TSPAN18: variants seen among roughly 807,000 people sequenced by gnomAD.
The protein encoded by TSPAN18 is tetraspanin 18, also known as tetraspanin-18.
A neutral mutation model predicts 27.3 loss-of-function variants in TSPAN18; 14 were observed. The ratio of observed to expected loss-of-function variants is 0.51; its 90% CI spans 0.34 to 0.80. The LOEUF (loss-of-function observed/expected upper bound fraction) is 0.80. TSPAN18 is among the 30% of genes least tolerant of loss of function. The pLI, the probability that TSPAN18 is intolerant of heterozygous loss-of-function variation, is 0.01. For missense variants in TSPAN18, 268 were observed against 323.9 expected (o/e 0.83, Z 1.32); for synonymous variants, 143 against 136.5 (o/e 1.05, Z -0.33).
At chr11:44,743,142 A>G (rs1389268334) in intron 1 of TSPAN18, among the ~76,000 whole-genome samples, 1 of 151,224 alleles carries the variant, frequency 6.6e-6, no homozygotes, top group Non-Finnish European at 1.5e-5. Context: ...CAAAAGCAGC[A>G]CTTCCCCCTA....
At chr11:44,753,724 A>G (rs1415903788) in intron 1 of TSPAN18, among the ~76,000 whole-genome samples, 2 of 152,146 alleles carry the variant, frequency 1.3e-5, no homozygotes, top group Non-Finnish European at 2.9e-5. Context: ...GTGAATACAC[A>G]TGGATTTTAA....
chr11:44,750,256 T>C (rs922443877), intron 1 of TSPAN18, among the ~76,000 whole-genome samples: 1 of 152,228 alleles, frequency 6.6e-6, no homozygotes, highest in Non-Finnish European at 1.5e-5. Flanking sequence ...CACCTAGAGA[T>C]ATGTCTTTCA....
intron 2 of TSPAN18, among the ~76,000 whole-genome samples, chr11:44,766,686 T>G (rs993796946): frequency 2.6e-5 from 4 of 152,218 alleles, no homozygotes; most frequent in Non-Finnish European, 5.9e-5. Flanking sequence ...GCCTTGCCCC[T>G]CTTGTTAGCC....
chr11:44,909,541 G>A (rs1338918630), intron 4 of TSPAN18, 164 bp from the exon 5 acceptor site: 4 of 623,532 alleles, frequency 6.4e-6, no homozygotes, highest in Admixed American at 6.3e-5. Flanking sequence ...AATTCAAGGT[G>A]CGGCTGGGAC....
intron 1 of TSPAN18, among the ~76,000 whole-genome samples, chr11:44,748,053 C>G (rs11038128): frequency 0.14 from 20,725 of 152,164 alleles, 2,720 homozygotes; most frequent in East Asian, 0.7. Context: ...CACTCAGCCT[C>G]TCTGGGCCCT....
intron 3 of TSPAN18, among the ~76,000 whole-genome samples, chr11:44,871,414 A>G (rs1565185579): frequency 6.6e-6 from 1 of 152,134 alleles, no homozygotes; most frequent in Non-Finnish European, 1.5e-5. Context: ...CACACCTCCA[A>G]ATACCATCAC....
At chr11:44,753,094 G>A (rs1290339362) in intron 1 of TSPAN18, among the ~76,000 whole-genome samples, 5 of 151,986 alleles carry the variant, frequency 3.3e-5, no homozygotes, top group African/African-American at 9.7e-5. Flanking sequence ...AAAACACTGC[G>A]GACCTCACCT....
chr11:44,879,442 A>T (rs1858429118), intron 3 of TSPAN18, among the ~76,000 whole-genome samples: 1 of 152,192 alleles, frequency 6.6e-6, no homozygotes, highest in Non-Finnish European at 1.5e-5. Flanking sequence ...ACAGACAGTG[A>T]TGGAGCGCGT....
intron 1 of TSPAN18, among the ~76,000 whole-genome samples, chr11:44,733,293 G>A (rs1241712956): frequency 6.6e-6 from 1 of 152,202 alleles, no homozygotes; most frequent in African/African-American, 2.4e-5. Flanking sequence ...TTAACACATA[G>A]AAGCTTCCTT....
chr11:44,855,083 T>C (rs1386198499), intron 2 of TSPAN18, among the ~76,000 whole-genome samples: 1 of 152,206 alleles, frequency 6.6e-6, no homozygotes, highest in Non-Finnish European at 1.5e-5. Context: ...CAATTCATTG[T>C]TGTATTTTAA....
At position 44,825,702 on chromosome 11, in the gene TSPAN18, A is replaced by G. The variant is rs1272793190; in HGVS notation, c.-152-34626A>G. 2.0e-5 allele frequency among the ~76,000 whole-genome samples: 3 copies of G among 152,104 alleles called. No homozygotes were observed. In the East Asian group the frequency reaches 5.8e-4, roughly 29 times the overall value. On this transcript the variant is annotated intron_variant, in intron 2 of 9. Coordinates refer to ENST00000520358, the MANE Select transcript of TSPAN18 (RefSeq NM_130783.5). Reference sequence around the variant, plus strand: ...CCGTCTCAGCATTTGAACCTGATGGAAATGTTGAAGCGGGGGTTGGCTGGG... The same window carrying G: ...CCGTCTCAGCATTTGAACCTGATGGGAATGTTGAAGCGGGGGTTGGCTGGG...
chr11:44,861,793 TCACACACACACACA>T (rs56816197), intron 3 of TSPAN18, among the ~76,000 whole-genome samples: 243 of 132,146 alleles, frequency 1.8e-3, no homozygotes, highest in Non-Finnish European at 3.1e-3. Flanking sequence ...AGCCCAAATT[TCACACACACACACA>T]CACACACACA....
chr11:44,766,578 A>G (rs1358276814), intron 2 of TSPAN18, among the ~76,000 whole-genome samples: 1 of 152,218 alleles, frequency 6.6e-6, no homozygotes, highest in African/African-American at 2.4e-5. Flanking sequence ...CTCGGTGTAT[A>G]AGAGTAAAAA....
chr11:44,781,091 G>A (rs1855928033), intron 2 of TSPAN18, among the ~76,000 whole-genome samples: 1 of 152,250 alleles, frequency 6.6e-6, no homozygotes, highest in Non-Finnish European at 1.5e-5. Context: ...GGCCGGAGGA[G>A]CAGCCAGGAA....
chr11:44,861,793 TCACACACACACACACACA>T (rs56816197), intron 3 of TSPAN18, among the ~76,000 whole-genome samples: 4 of 132,046 alleles, frequency 3.0e-5, no homozygotes, highest in African/African-American at 5.8e-5. Context: ...AGCCCAAATT[TCACACACACACACACACA>T]CACACACACA....
chr11:44,851,612 A>AACCCC (rs1857602408), intron 2 of TSPAN18, among the ~76,000 whole-genome samples: 1 of 110,800 alleles, frequency 9.0e-6, no homozygotes, highest in Non-Finnish European at 2.0e-5. Flanking sequence ...TACTCTTGTC[A>AACCCC]CCTCCCCCCC....
At chr11:44,853,745 A>G (rs11604983) in intron 2 of TSPAN18, among the ~76,000 whole-genome samples, 42,650 of 152,064 alleles carry the variant, frequency 0.28, 6,428 homozygotes, top group Non-Finnish European at 0.33. Flanking sequence ...TGGAGTGGAC[A>G]TGCATTTCCA....
rs549496317 is a variant in TSPAN18, at chr11:44,903,822, TG to T, written c.-10-2583del. The T allele has an allele frequency of 2.3e-4, 104 of 456,720 alleles. 1 individual carries two copies. Among genetic ancestry groups the T allele is most frequent in the South Asian group, 1.6e-3 (104 of 64,572 alleles). The allele number at this position is 456,720 out of a possible 1,614,324, so 28.3% of individuals were successfully genotyped here. On this transcript the variant is annotated intron_variant, in intron 3 of 9. Coordinates refer to ENST00000520358, the MANE Select transcript of TSPAN18 (RefSeq NM_130783.5). ...AGCTGGATTGCCTGGGTTCCAATCT[TG>T]GCTTCACCACTCACTAGCTGTGACC... is the stretch of plus-strand genomic sequence containing the variant.
intron 2 of TSPAN18, among the ~76,000 whole-genome samples, chr11:44,802,707 T>TG (rs1004428110): frequency 6.0e-5 from 9 of 151,226 alleles, no homozygotes; most frequent in African/African-American, 2.2e-4. Context: ...AGGCTGTGGG[T>TG]GGGGACTCCA....
Sources: gnomAD v4.1 joint callset for allele counts (sites outside exome capture counted in the v4.1 genomes callset) on GRCh38, gnomAD v4.1.1 for gene constraint, MANE v1.5 for transcripts, NCBI Gene and HGNC (gene_info 2026-07-23, HGNC 2026-07-21) for gene names.